Variants in CCDC7 observed in about 807,000 individuals in gnomAD.
The protein encoded by CCDC7 is coiled-coil domain-containing protein 7.
Under a neutral mutation model 196.9 loss-of-function variants are expected in CCDC7, and 183 were observed. The ratio of observed to expected loss-of-function variants is 0.93; its 90% CI spans 0.82 to 1.05. The LOEUF is 1.05. Among genes scored for constraint, CCDC7 ranks in the 50% least tolerant of loss-of-function variants. The pLI is 0.00. For synonymous variants in CCDC7, 525 were observed against 484.6 expected (o/e 1.08, Z -1.10); for missense variants, 1,540 against 1,482.2 (o/e 1.04, Z -0.64).
At chr10:32,641,780 G>C (rs1003416283) in intron 20 of CCDC7, among the ~76,000 whole-genome samples, 25 of 152,142 alleles carry the variant, frequency 1.6e-4, no homozygotes, top group African/African-American at 5.6e-4. Context: ...CATCTTCGTG[G>C]TTTTATCTAC....
intron 28 of CCDC7, among the ~76,000 whole-genome samples, chr10:32,774,040 A>T (rs1172714894): frequency 6.6e-6 from 1 of 152,166 alleles, no homozygotes; most frequent in Non-Finnish European, 1.5e-5. Flanking sequence ...ATTAATATAA[A>T]TAGTTTTTAT....
chr10:32,597,214 T>TGTTC (rs2060475362), intron 18 of CCDC7, among the ~76,000 whole-genome samples: 1 of 152,234 alleles, frequency 6.6e-6, no homozygotes, highest in African/African-American at 2.4e-5. Flanking sequence ...TTGGAGGCTT[T>TGTTC]GTTCATTTCT....
chr10:32,833,095 A>G (rs1182822773), intron 32 of CCDC7, among the ~76,000 whole-genome samples: 1 of 152,112 alleles, frequency 6.6e-6, no homozygotes, highest in Admixed American at 6.6e-5. Context: ...CAGTTCTTTA[A>G]AAGGTATAAA....
chr10:32,727,600 A>G (rs2083314288), intron 26 of CCDC7, among the ~76,000 whole-genome samples: 1 of 152,102 alleles, frequency 6.6e-6, no homozygotes, highest in Admixed American at 6.6e-5. Context: ...GATTGTCTCT[A>G]CAGGCATCAT....
intron 28 of CCDC7, among the ~76,000 whole-genome samples, chr10:32,750,271 A>G (rs2075452562): frequency 6.6e-6 from 1 of 152,154 alleles, no homozygotes; most frequent in South Asian, 2.1e-4. Flanking sequence ...AGTTATGGGT[A>G]TATAAGTCAT....
chr10:32,637,216 A>G (rs1158584906), intron 20 of CCDC7, among the ~76,000 whole-genome samples: 1 of 152,172 alleles, frequency 6.6e-6, no homozygotes, highest in Non-Finnish European at 1.5e-5. Flanking sequence ...TTTGCTGTGC[A>G]GAAGCTCTTT....
chr10:32,641,488 G>T (rs1236218853), intron 20 of CCDC7, among the ~76,000 whole-genome samples: 2 of 152,118 alleles, frequency 1.3e-5, no homozygotes, highest in Non-Finnish European at 1.5e-5. Context: ...CTCATGCCTT[G>T]GTTTTCAGCT....
At chr10:32,842,950 G>T (rs1014728897) in intron 33 of CCDC7, among the ~76,000 whole-genome samples, 1 of 151,808 alleles carries the variant, frequency 6.6e-6, no homozygotes, top group South Asian at 2.1e-4. Flanking sequence ...AAAGAGTAGG[G>T]GGGGCAAGGG....
chr10:32,561,231 C>G (rs1367584379), intron 13 of CCDC7, among the ~76,000 whole-genome samples: 1 of 152,060 alleles, frequency 6.6e-6, no homozygotes, highest in Non-Finnish European at 1.5e-5. Context: ...ACTTTAACAC[C>G]CCACTGTCAA....
intron 21 of CCDC7, among the ~76,000 whole-genome samples, chr10:32,679,262 T>C (rs1015715025): frequency 6.6e-6 from 1 of 152,094 alleles, no homozygotes; most frequent in African/African-American, 2.4e-5. Context: ...TTTCTGAAAA[T>C]GACAGGTTCA....
intron 32 of CCDC7, 84 bp downstream of exon 33, chr10:32,824,688 C>A: frequency 1.3e-6 from 1 of 789,788 alleles, no homozygotes; most frequent in Non-Finnish European, 2.0e-6. Flanking sequence ...ACAACAGTAC[C>A]TATATGTAAT....
intron 13 of CCDC7, among the ~76,000 whole-genome samples, chr10:32,563,593 C>T (rs928074680): frequency 6.6e-6 from 1 of 152,084 alleles, no homozygotes; most frequent in African/African-American, 2.4e-5. Flanking sequence ...TACTGGCCAG[C>T]CATATGTAGA....
At chr10:32,725,426 TTG>T (rs138210257) in intron 25 of CCDC7, 47,538 of 469,832 alleles carry the variant, frequency 0.1, 3,041 homozygotes, top group East Asian at 0.32. Context: ...GGATTAGTAC[TTG>T]TTTTTTTGTT....
chr10:32,564,234 G>A (rs530996122), intron 13 of CCDC7, among the ~76,000 whole-genome samples: 1 of 152,102 alleles, frequency 6.6e-6, no homozygotes, highest in Non-Finnish European at 1.5e-5. Flanking sequence ...ATTGTGGAAG[G>A]CAGTGTGGCG....
At chr10:32,653,399 G>T (rs551598044) in intron 20 of CCDC7, among the ~76,000 whole-genome samples, 9 of 150,162 alleles carry the variant, frequency 6.0e-5, no homozygotes, top group African/African-American at 2.2e-4. Context: ...TCTCCTTCAA[G>T]AAGAAAGATT....
In CCDC7 at chr10:32,491,908, T is replaced by G; in HGVS notation, c.797-14T>G. 6.5e-7 allele frequency: 1 copy of G among 1,542,270 alleles called. No individual in the cohort carries two copies. On this transcript the variant is annotated splice_polypyrimidine_tract_variant and intron_variant, in intron 8 of 41. Coordinates refer to ENST00000639629, the Ensembl canonical transcript of CCDC7. ...TTATAAAACCTTTAACATTTTTGAC[T>G]TTTTAAATAATAGAAACTGCTCATT...
chr10:32,775,632 A>G (rs560643269), intron 28 of CCDC7, among the ~76,000 whole-genome samples: 1 of 152,300 alleles, frequency 6.6e-6, no homozygotes, highest in Admixed American at 6.5e-5. Flanking sequence ...GTAAATTATC[A>G]TATTTTCGAA....
At chr10:32,845,593 G>A (rs1405295728) in exon 35 of CCDC7, 2 of 1,612,522 alleles carry the variant, frequency 1.2e-6, no homozygotes, top group African/African-American at 1.3e-5. Flanking sequence ...TCTAATGAAG[G>A]AGTCAACCAC....
chr10:32,505,055 A>T (rs1000909653), intron 9 of CCDC7, among the ~76,000 whole-genome samples: 1 of 152,200 alleles, frequency 6.6e-6, no homozygotes, highest in Non-Finnish European at 1.5e-5. Flanking sequence ...ATTCAGATCT[A>T]TTAATAGTTG....
Sources: allele counts gnomAD v4.1 joint callset (sites outside exome capture counted in the v4.1 genomes callset), GRCh38; gene constraint gnomAD v4.1.1; transcripts MANE v1.5; gene names NCBI Gene and HGNC (gene_info 2026-07-23, HGNC 2026-07-21).